The following ABCC1 variants were observed in gnomAD, a reference collection of about 807,000 sequenced individuals.
The protein encoded by ABCC1 is ATP binding cassette subfamily C member 1 (ABCC1 blood group), also known as multidrug resistance-associated protein 1.
Under a neutral mutation model 172.9 loss-of-function variants are expected in ABCC1, and 83 were observed. The observed-to-expected ratio is 0.48, with a 90% confidence interval of 0.40 to 0.58. ABCC1 has a LOEUF of 0.58. Among genes scored for constraint, ABCC1 ranks in the 20% least tolerant of loss-of-function variants. ABCC1 has a pLI of 0.00. For synonymous variants in ABCC1, 937 were observed against 825.2 expected (o/e 1.14, Z -2.32); for missense variants, 1,817 against 2,002.7 (o/e 0.91, Z 1.77).
chr16:16,102,773 C>T, intron 20 of ABCC1, 56 bp downstream of exon 20: 1 of 1,512,230 alleles, frequency 6.6e-7, no homozygotes, highest in South Asian at 1.2e-5. Flanking sequence ...AGTGGGAGGA[C>T]AAGAGGAGGA....
intron 30 of ABCC1, among the ~76,000 whole-genome samples, chr16:16,139,018 T>C (rs2046026472): frequency 6.6e-6 from 1 of 152,182 alleles, no homozygotes; most frequent in Non-Finnish European, 1.5e-5. Flanking sequence ...TGGTACCAGG[T>C]ATTTCTAATA....
At chr16:15,991,568 G>A (rs1266626597) in intron 1 of ABCC1, among the ~76,000 whole-genome samples, 1 of 152,012 alleles carries the variant, frequency 6.6e-6, no homozygotes, top group African/African-American at 2.4e-5. Context: ...GAGCTGCAGG[G>A]CCATCAACAT....
intron 1 of ABCC1, among the ~76,000 whole-genome samples, chr16:15,986,375 G>A (rs1388502893): frequency 1.3e-5 from 2 of 152,168 alleles, no homozygotes; most frequent in Admixed American, 6.5e-5. Flanking sequence ...AGCAGTCTGT[G>A]GCCTGTTAGG....
intron 12 of ABCC1, chr16:16,056,587 T>C (rs972814157): frequency 9.1e-6 from 4 of 441,686 alleles, no homozygotes; most frequent in African/African-American, 8.0e-5. Context: ...GAGAATTACT[T>C]CAACCTGGGA....
chr16:15,951,909 C>T (rs1350806992), intron 1 of ABCC1, among the ~76,000 whole-genome samples: 2 of 152,290 alleles, frequency 1.3e-5, no homozygotes, highest in South Asian at 2.1e-4. Flanking sequence ...AGGCTGGTCT[C>T]CTACTCCTGG....
chr16:15,949,718 C>G lies in ABCC1; in HGVS notation c.-34C>G. 3 of 1,123,514 alleles carry G rather than the reference C, an allele frequency of 2.7e-6. No homozygotes were observed. Among genetic ancestry groups the G allele is most frequent in the Non-Finnish European group, 3.3e-6 (3 of 917,866 alleles). 69.6% of individuals were successfully genotyped at this position (1,123,514 alleles called of 1,614,324 possible). On this transcript the variant is annotated 5_prime_UTR_variant, in exon 1 of 31. Coordinates refer to ENST00000399410, the MANE Select transcript of ABCC1 (RefSeq NM_004996.4). ...GCCAGCAACCGGGCCCGATCACCCG[C>G]CGCCCGGTGCCCGCCGCCGCCCGCG... is the stretch of plus-strand genomic sequence containing the variant.
chr16:16,119,553 C>T (rs372984456), intron 23 of ABCC1, among the ~76,000 whole-genome samples: 105 of 151,950 alleles, frequency 6.9e-4, no homozygotes, highest in African/African-American at 2.5e-3. Flanking sequence ...TAGCCAGGCA[C>T]GGTGGTGGGC....
rs1263382528 is a variant in ABCC1 at position 16,136,583 on chromosome 16, T to C, written c.4231T>C (p.Phe1411Leu). The change falls in exon 29 of 31, where the codon TTC becomes CTC. Residue 1411 changes from phenylalanine (F) to leucine (L), a missense_variant. Around this residue, in one of 3 missense-constraint regions of ABCC1, gnomAD observed 1,412 missense variants for 1,600.3 expected, o/e 0.88. Coordinates refer to ENST00000399410, the MANE Select transcript of ABCC1 (RefSeq NM_004996.4). ...CCTGGAGCTGGCCCACCTGAAGGAC[T>C]TCGTGTCAGCCCTTCCTGACAAGCT... ...TSLELAHLKD[F>L]VSALPDKLDH... 1 of 1,614,026 alleles carries C rather than the reference T, an allele frequency of 6.2e-7. No individual in the cohort carries two copies. Among genetic ancestry groups the C allele is most frequent in the East Asian group, 2.2e-5 (1 of 44,880 alleles).
At chr16:15,974,173 C>A (rs1175253332) in intron 1 of ABCC1, among the ~76,000 whole-genome samples, 1 of 152,116 alleles carries the variant, frequency 6.6e-6, no homozygotes, top group African/African-American at 2.4e-5. Flanking sequence ...GGAATCAGGG[C>A]CTCTTGGTGA....
chr16:16,134,625 CTTTTTTTTTT>C (rs67073334), intron 28 of ABCC1, 117 bp downstream of exon 28: 307 of 355,412 alleles, frequency 8.6e-4, no homozygotes, highest in Non-Finnish European at 1.2e-3. Context: ...CTTCATCGTT[CTTTTTTTTTT>C]TTTTTTTTTT....
At chr16:16,117,969 T>C (rs750154766) in intron 23 of ABCC1, among the ~76,000 whole-genome samples, 7 of 152,236 alleles carry the variant, frequency 4.6e-5, no homozygotes, top group Non-Finnish European at 8.8e-5. Context: ...TCGTCTCTGC[T>C]GCATCCCTTC....
At chr16:16,008,672 G>A (rs574597078) in intron 2 of ABCC1, among the ~76,000 whole-genome samples, 1 of 151,764 alleles carries the variant, frequency 6.6e-6, no homozygotes, top group Non-Finnish European at 1.5e-5. Flanking sequence ...TGGTGAACCT[G>A]TCTCTACTAA....
intron 22 of ABCC1, among the ~76,000 whole-genome samples, chr16:16,112,331 T>C (rs554554162): frequency 1.0e-4 from 15 of 149,772 alleles, no homozygotes; most frequent in African/African-American, 3.7e-4. Flanking sequence ...ACCACTGCCC[T>C]CCAGCCTGGG....
chr16:16,055,738 GT>G (rs1232635116), intron 11 of ABCC1, among the ~76,000 whole-genome samples: 21 of 148,484 alleles, frequency 1.4e-4, no homozygotes, highest in South Asian at 2.1e-4. Context: ...ATTTGAAGGG[GT>G]TTTTTTTTTC....
intron 4 of ABCC1, among the ~76,000 whole-genome samples, 183 bp downstream of exon 4, chr16:16,014,811 C>CT (rs1355251147): frequency 1.3e-5 from 2 of 152,150 alleles, no homozygotes; most frequent in East Asian, 3.8e-4. Flanking sequence ...CAGCCCCAGC[C>CT]TTTTTTCTAG....
Position 15,967,548 on chromosome 16 carries a change from G to T in ABCC1, c.48+17749G>T, listed in dbSNP as rs1320092838. On this transcript the variant is annotated intron_variant, in intron 1 of 30. Transcript: ENST00000399410. ...ACTTGAGCCCAGGAGTTTGAGACCA[G>T]CCTGGGCAACAGAAAGACCCCATCT... is the stretch of plus-strand genomic sequence containing the variant. Among the ~76,000 whole-genome samples the T allele has an allele frequency of 2.6e-5, 4 of 151,324 alleles. No homozygotes were observed. In the East Asian group the frequency reaches 7.7e-4, roughly 29 times the overall value.
chr16:15,971,750 T>G (rs1718485911), intron 1 of ABCC1, among the ~76,000 whole-genome samples: 1 of 152,114 alleles, frequency 6.6e-6, no homozygotes, highest in Non-Finnish European at 1.5e-5. Context: ...ATTGCTTCAG[T>G]CTGATGAAAT....
intron 5 of ABCC1, among the ~76,000 whole-genome samples, chr16:16,018,288 C>T (rs983488298): frequency 6.6e-6 from 1 of 152,076 alleles, no homozygotes; most frequent in Non-Finnish European, 1.5e-5. Flanking sequence ...GTGGCTCACA[C>T]CTGTAATCGC....
In ABCC1 at chr16:16,125,803, C is replaced by T. The variant is rs771125479; in HGVS notation, c.3718-7C>T. 3.7e-6 allele frequency: 6 copies of T among 1,609,450 alleles called. No individual in the cohort carries two copies. The highest frequency in any genetic ancestry group is 1.7e-4 in the Middle Eastern group (1 of 6,036). ...CTAGAAATGCCACGTGACTCTTCCA[C>T]TCACAGGTCACCACGTACTTGAACT... On this transcript the variant is annotated splice_polypyrimidine_tract_variant and splice_region_variant and intron_variant, in intron 25 of 30. Coordinates refer to ENST00000399410, the MANE Select transcript of ABCC1 (RefSeq NM_004996.4).
Sources: gnomAD v4.1 joint callset for allele counts (sites outside exome capture counted in the v4.1 genomes callset) on GRCh38, gnomAD v4.1.1 for gene constraint, gnomAD v4.1.1 regional missense constraint, MANE v1.5 for transcripts, NCBI Gene and HGNC (gene_info 2026-07-23, HGNC 2026-07-21) for gene names.